The following HDAC9 variants were observed in gnomAD, a reference collection of about 807,000 sequenced individuals.
HDAC9 encodes MEF-2 interacting transcription repressor (MITR) protein.
Under a neutral mutation model 139.4 loss-of-function variants are expected in HDAC9, and 41 were observed. The observed-to-expected ratio is 0.29, with a 90% CI of 0.23 to 0.38. The LOEUF is 0.38. Ranked by LOEUF, HDAC9 falls within the 10% of genes least tolerant of loss-of-function variation. The pLI is 1.00. For missense variants in HDAC9, 1,147 were observed against 1,297.0 expected, an observed-to-expected ratio of 0.88 and a Z score of 1.78; for synonymous variants, 517 against 476.2, an observed-to-expected ratio of 1.09 and a Z score of -1.12.
chr7:18,971,942 C>T (rs745448868), intron 24 of HDAC9, among the ~76,000 whole-genome samples: 1 of 152,166 alleles, frequency 6.6e-6, no homozygotes, highest in African/African-American at 2.4e-5. Flanking sequence ...CTGCTATTAA[C>T]CATGCATACC....
intron 2 of HDAC9, among the ~76,000 whole-genome samples, chr7:18,170,521 G>A (rs1010838241): frequency 3.3e-5 from 5 of 151,908 alleles, no homozygotes; most frequent in Non-Finnish European, 2.9e-5. Flanking sequence ...CCTTGCCCAT[G>A]CCTATGTCCT....
rs937049104 is a variant in HDAC9 at position 18,523,719 on chromosome 7, G to A, written c.22+27395G>A. On this transcript the variant is annotated intron_variant, in intron 2 of 25. Transcript: ENST00000686413. ...TGCTGTTAGATGAACAAAAGGTAGG[G>A]CAGAGAAAGGTGGTTCATGAGTTGG... Among the ~76,000 whole-genome samples, 6 of 152,250 alleles carry A rather than the reference G, an allele frequency of 3.9e-5. No individual in the cohort carries two copies. The South Asian group carries it at 6.2e-4, about 16-fold the overall frequency.
intron 17 of HDAC9, among the ~76,000 whole-genome samples, chr7:18,804,354 G>A (rs1200475943): frequency 6.6e-6 from 1 of 152,158 alleles, no homozygotes; most frequent in African/African-American, 2.4e-5. Context: ...TACATGATGG[G>A]ATGCATGTAC....
At chr7:18,291,226 T>A (rs1468717455) in intron 1 of HDAC9, among the ~76,000 whole-genome samples, 1 of 152,098 alleles carries the variant, frequency 6.6e-6, no homozygotes. Context: ...TACATAAAAT[T>A]GAATTATGAG....
At chr7:18,341,508 C>T (rs1378562245) in intron 1 of HDAC9, among the ~76,000 whole-genome samples, 3 of 151,356 alleles carry the variant, frequency 2.0e-5, no homozygotes, top group Non-Finnish European at 3.0e-5. Context: ...TTTTTTCCTG[C>T]GATATCTAAT....
intron 14 of HDAC9, among the ~76,000 whole-genome samples, chr7:18,760,466 G>T (rs1316860436): frequency 1.3e-5 from 2 of 152,106 alleles, no homozygotes; most frequent in African/African-American, 4.8e-5. Context: ...AAAGATGGCT[G>T]ACCAGAAGGC....
chr7:18,138,329 C>G (rs973629035), intron 1 of HDAC9, among the ~76,000 whole-genome samples: 1 of 152,016 alleles, frequency 6.6e-6, no homozygotes, highest in Non-Finnish European at 1.5e-5. Flanking sequence ...GTGTGCCTCC[C>G]TCTCCCTCTC....
At chr7:18,775,684 GTT>G (rs35824820) in intron 16 of HDAC9, among the ~76,000 whole-genome samples, 1,932 of 146,632 alleles carry the variant, frequency 0.013, 26 homozygotes, top group African/African-American at 0.041. Flanking sequence ...CTTATGTTGT[GTT>G]TTTTTTTTTC....
intron 13 of HDAC9, among the ~76,000 whole-genome samples, chr7:18,748,225 A>G (rs1418397610): frequency 6.6e-6 from 1 of 152,180 alleles, no homozygotes; most frequent in Non-Finnish European, 1.5e-5. Flanking sequence ...TCATCTTATC[A>G]TGTTATTATA....
intron 13 of HDAC9, among the ~76,000 whole-genome samples, chr7:18,737,538 C>G (rs150958620): frequency 1.1e-3 from 165 of 151,328 alleles, no homozygotes; most frequent in African/African-American, 3.6e-3. Flanking sequence ...ATGTAGTTGT[C>G]CAGTTTTGAT....
chr7:18,167,617 G>T (rs534519274), intron 2 of HDAC9, among the ~76,000 whole-genome samples: 2 of 152,182 alleles, frequency 1.3e-5, no homozygotes, highest in African/African-American at 4.8e-5. Context: ...TGCTTCTTCA[G>T]TTCATGTATT....
chr7:18,858,539 C>G (rs758556847), intron 21 of HDAC9, among the ~76,000 whole-genome samples: 3 of 152,178 alleles, frequency 2.0e-5, no homozygotes, highest in African/African-American at 4.8e-5. Context: ...ATTATGGGAA[C>G]TACAATTCAA....
chr7:18,719,663 A>AG (rs1318891537), intron 12 of HDAC9, among the ~76,000 whole-genome samples: 1 of 151,654 alleles, frequency 6.6e-6, no homozygotes, highest in African/African-American at 2.4e-5. Flanking sequence ...TTTTTGGGGG[A>AG]GGGGGTCTCT....
At chr7:18,356,681 A>G (rs1336209565) in intron 1 of HDAC9, among the ~76,000 whole-genome samples, 6 of 151,658 alleles carry the variant, frequency 4.0e-5, no homozygotes, top group Non-Finnish European at 7.4e-5. Flanking sequence ...ATAGTCAGTT[A>G]ATGAATAAAA....
At chr7:18,592,648 T>A (rs1474206073) in intron 5 of HDAC9, among the ~76,000 whole-genome samples, 8 of 152,112 alleles carry the variant, frequency 5.3e-5, no homozygotes, top group Admixed American at 5.2e-4. Context: ...TTTATAGGTA[T>A]CCGCCCTTCT....
intron 3 of HDAC9, among the ~76,000 whole-genome samples, 155 bp downstream of exon 3, chr7:18,585,677 T>C (rs896186248): frequency 1.3e-5 from 2 of 152,200 alleles, no homozygotes; most frequent in African/African-American, 4.8e-5. Context: ...GTGAAAACTT[T>C]GGGTAAGTAC....
intron 2 of HDAC9, among the ~76,000 whole-genome samples, chr7:18,174,887 C>T (rs114946559): frequency 5.6e-4 from 85 of 152,302 alleles, no homozygotes; most frequent in African/African-American, 1.7e-3. Flanking sequence ...TGGGAGATGT[C>T]TCCCAGTTAG....
chr7:18,414,881 C>T (rs1374248847), intron 1 of HDAC9, among the ~76,000 whole-genome samples: 3 of 152,182 alleles, frequency 2.0e-5, no homozygotes, highest in Non-Finnish European at 4.4e-5. Flanking sequence ...TCCTCCTCTT[C>T]CTTTTTGTAG....
intron 16 of HDAC9, among the ~76,000 whole-genome samples, chr7:18,786,585 G>GCTTC (rs34314311): frequency 0.064 from 3,392 of 53,092 alleles, 368 homozygotes; most frequent in African/African-American, 0.16. Flanking sequence ...TGGCTGGCTG[G>GCTTC]CTTCCTTCCT....
Sources: allele counts gnomAD v4.1 joint callset (sites outside exome capture counted in the v4.1 genomes callset), GRCh38; gene constraint gnomAD v4.1.1; transcripts MANE v1.5; gene names NCBI Gene and HGNC (gene_info 2026-07-23, HGNC 2026-07-21).